The following RSRC2 variants were observed in gnomAD, a reference collection of about 807,000 sequenced individuals.
The protein encoded by RSRC2 is arginine and serine rich coiled-coil 2.
A neutral mutation model predicts 61.3 loss-of-function variants in RSRC2; 5 were observed. That is an observed-to-expected ratio of 0.08 (90% CI 0.04 to 0.17). The LOEUF is 0.17. Among genes scored for constraint, RSRC2 ranks in the 10% least tolerant of loss-of-function variants. The pLI, the probability that RSRC2 is intolerant of heterozygous loss-of-function variation, is 1.00. For missense variants in RSRC2, 381 were observed against 518.8 expected (o/e 0.73, Z 2.58); for synonymous variants, 202 against 166.5 (o/e 1.21, Z -1.64).
At chr12:122,517,136 T>C in intron 5 of RSRC2, 91 bp downstream of exon 5, 1 of 1,565,004 alleles carries the variant, frequency 6.4e-7, no homozygotes, top group Non-Finnish European at 8.7e-7. Context: ...AATAGAATTG[T>C]GACTCACAAT....
intron 1 of RSRC2, chr12:122,523,048 T>C (rs1018102572): frequency 2.0e-5 from 3 of 152,216 alleles, no homozygotes; most frequent in East Asian, 1.9e-4. Context: ...AATAAAATAA[T>C]TGATACACCT....
At chr12:122,515,531 C>G (rs777594357) in intron 5 of RSRC2, among the ~76,000 whole-genome samples, 4 of 152,134 alleles carry the variant, frequency 2.6e-5, no homozygotes, top group Non-Finnish European at 5.9e-5. Context: ...CTGGCTGTTT[C>G]CAATCTTTTG....
chr12:122,514,581 T>TA (rs79986881), intron 6 of RSRC2: 54,179 of 902,570 alleles, frequency 0.06, 1,052 homozygotes, highest in African/African-American at 0.24. Flanking sequence ...AGCAGAAAAT[T>TA]AAAAAAAAAA....
At chr12:122,520,549 GTCT>G in intron 3 of RSRC2, 1 of 1,367,630 alleles carries the variant, frequency 7.3e-7, no homozygotes, top group Non-Finnish European at 9.8e-7. Context: ...AGTCTGCAGC[GTCT>G]TCAGTTCAGT....
chr12:122,516,439 G>C (rs559025395), intron 5 of RSRC2, among the ~76,000 whole-genome samples: 3 of 152,264 alleles, frequency 2.0e-5, no homozygotes, highest in Admixed American at 6.5e-5. Flanking sequence ...CACATGCATG[G>C]AATTTGCATT....
rs1412451855 is a variant in RSRC2, at chr12:122,506,938, T to G, written c.1036-15A>C. On this transcript the variant is annotated splice_polypyrimidine_tract_variant and intron_variant, in intron 8 of 9. Coordinates refer to ENST00000331738, the MANE Select transcript of RSRC2 (RefSeq NM_023012.6). ...TGGGATTTGTCCTGTTAACAAACAC[T>G]GAACTTTAAAATATGTAAAATTTAA... The G allele has an allele frequency of 6.6e-6, 9 of 1,373,052 alleles. No individual in the cohort carries two copies. The highest frequency in any genetic ancestry group is 9.3e-6 in the Non-Finnish European group (9 of 965,836). The allele number at this position is 1,373,052 out of a possible 1,614,324, so 85.1% of individuals were successfully genotyped here. A position where few individuals can be genotyped will look rare whatever the true frequency, so the allele number is the denominator to read the frequency against.
chr12:122,526,758 A>G, intron 1 of RSRC2, 90 bp downstream of exon 1: 5 of 1,467,718 alleles, frequency 3.4e-6, no homozygotes, highest in Non-Finnish European at 3.8e-6. Flanking sequence ...CTACACACAT[A>G]CACACGAACA....
chr12:122,504,779 AATCT>A lies in RSRC2; in HGVS notation c.*744_*747del, dbSNP rs1283747637. The A allele has an allele frequency of 7.9e-5, 12 of 152,698 alleles. No individual in the cohort carries two copies. Among genetic ancestry groups the A allele is most frequent in the South Asian group, 2.1e-4 (1 of 4,838 alleles). The allele number at this position is 152,698 out of a possible 1,614,324, so 9.5% of individuals were successfully genotyped here. A position where few individuals can be genotyped will look rare whatever the true frequency, so the allele number is the denominator to read the frequency against. On this transcript the variant is annotated 3_prime_UTR_variant, in exon 10 of 10. Coordinates refer to ENST00000331738, the MANE Select transcript of RSRC2 (RefSeq NM_023012.6). ...AGTGCTTACATCCCTTTAATGCATTAATCTATCTCCTGAATAACACATGTAATAT... is the reference window on the plus strand; with the variant it reads ...AGTGCTTACATCCCTTTAATGCATTAATCTCCTGAATAACACATGTAATAT...
intron 2 of RSRC2, 44 bp from the exon 3 acceptor site, chr12:122,521,472 G>A (rs765304910): frequency 3.9e-6 from 6 of 1,535,852 alleles, no homozygotes; most frequent in Non-Finnish European, 5.4e-6. Flanking sequence ...CAAAGTTGGA[G>A]AAACATTTCA....
rs574888547 is a variant in RSRC2, at chr12:122,504,376, C to T, written c.*1151G>A. The stretch of plus-strand genomic sequence containing the variant: ...GCTGCAGTGGCTCACGCCTATAATC[C>T]CGGCACTTTGGGAGGCTGAGGAGGG... On this transcript the variant is annotated 3_prime_UTR_variant, in exon 10 of 10. Transcript: ENST00000331738. 6.6e-6 allele frequency: 1 copy of T among 152,268 alleles called. No individual in the cohort carries two copies. Among genetic ancestry groups the T allele is most frequent in the Admixed American group, 6.5e-5 (1 of 15,290 alleles). The allele number at this position is 152,268 out of a possible 1,614,324, so 9.4% of individuals were successfully genotyped here. A position where few individuals can be genotyped will look rare whatever the true frequency, so the allele number is the denominator to read the frequency against.
intron 4 of RSRC2, among the ~76,000 whole-genome samples, chr12:122,518,246 G>T (rs1426605690): frequency 6.6e-6 from 1 of 151,708 alleles, no homozygotes; most frequent in Non-Finnish European, 1.5e-5. Context: ...GCTGCAGTGT[G>T]CTGAGAGCAC....
At chr12:122,506,580 A>C (rs1958128902) in intron 9 of RSRC2, 1 of 383,904 alleles carries the variant, frequency 2.6e-6, no homozygotes, top group Non-Finnish European at 4.7e-6. Flanking sequence ...ACTGTACTCC[A>C]GCCCAAGTGA....
chr12:122,512,130 ACTCACT>A (rs1958568989), intron 6 of RSRC2, among the ~76,000 whole-genome samples: 1 of 152,128 alleles, frequency 6.6e-6, no homozygotes, highest in Non-Finnish European at 1.5e-5. Context: ...TGTTCTCTCT[ACTCACT>A]CTGTTGAATG....
At chr12:122,508,846 C>G (rs951022933) in intron 7 of RSRC2, among the ~76,000 whole-genome samples, 3 of 151,932 alleles carry the variant, frequency 2.0e-5, no homozygotes, top group Non-Finnish European at 4.4e-5. Context: ...ATCTCAGCTA[C>G]TCGGGAGGCT....
At chr12:122,519,200 A>T (rs113167269) in intron 3 of RSRC2, 171 bp from the exon 4 acceptor site, 1 of 557,856 alleles carries the variant, frequency 1.8e-6, no homozygotes, top group African/African-American at 1.9e-5. Context: ...TGTAATTACT[A>T]TTTTTTTTAC....
At chr12:122,524,941 A>C (rs907805279) in intron 1 of RSRC2, among the ~76,000 whole-genome samples, 2 of 152,192 alleles carry the variant, frequency 1.3e-5, no homozygotes, top group Admixed American at 6.6e-5. Flanking sequence ...AACTCTAATA[A>C]CGGCTCGAAA....
intron 1 of RSRC2, among the ~76,000 whole-genome samples, chr12:122,524,007 A>T (rs912887604): frequency 6.6e-6 from 1 of 152,232 alleles, no homozygotes; most frequent in African/African-American, 2.4e-5. Flanking sequence ...CTCTCATGCC[A>T]GCATATTGTA....
At chr12:122,519,145 C>A (rs1959138985) in intron 3 of RSRC2, 116 bp from the exon 4 acceptor site, 3 of 746,852 alleles carry the variant, frequency 4.0e-6, no homozygotes. Context: ...GAGTGTGTGG[C>A]AAATAAAAAA....
At chr12:122,519,160 T>C (rs762731777) in intron 3 of RSRC2, 131 bp from the exon 4 acceptor site, 22 of 693,782 alleles carry the variant, frequency 3.2e-5, no homozygotes, top group Non-Finnish European at 5.2e-5. Context: ...AAAAAAAAGA[T>C]CTAGTTTCAC....
Sources: gnomAD v4.1 joint callset for allele counts (sites outside exome capture counted in the v4.1 genomes callset) on GRCh38, gnomAD v4.1.1 for gene constraint, MANE v1.5 for transcripts, NCBI Gene and HGNC (gene_info 2026-07-23, HGNC 2026-07-21) for gene names.